The following S100Z variants were observed in gnomAD, a reference collection of about 807,000 sequenced individuals.
S100Z encodes S100 calcium binding protein Z, also known as protein S100-Z.
Under a neutral mutation model 8.5 loss-of-function variants are expected in S100Z, and 11 were observed. That is an observed-to-expected ratio of 1.30 (90% confidence interval 0.82 to 2.15). The LOEUF (loss-of-function observed/expected upper bound fraction) is 2.15, where lower values mean the gene tolerates loss of function less well. S100Z is among the 30% of genes most tolerant of loss of function. S100Z has a pLI of 0.00. For synonymous variants in S100Z, 34 were observed against 43.8 expected (o/e 0.78, Z 0.89); for missense variants, 126 against 117.9 (o/e 1.07, Z -0.32).
At chr5:76,877,466 G>A (rs966696724) in intron 3 of S100Z, among the ~76,000 whole-genome samples, 1 of 152,188 alleles carries the variant, frequency 6.6e-6, no homozygotes, top group Non-Finnish European at 1.5e-5. Flanking sequence ...CTAGGTCTGA[G>A]CCAGGATTAT....
At chr5:76,946,225 C>T in the S100Z span, among the ~76,000 whole-genome samples, 1 of 152,216 alleles carries the variant, frequency 6.6e-6, no homozygotes, top group African/African-American at 2.4e-5. Context: ...CCCATTATTA[C>T]TCTTCAAAAG....
rs878924999 is a variant in S100Z, at chr5:76,875,581, T to C, written c.141+81T>C. 4.2e-5 allele frequency: 53 copies of C among 1,276,608 alleles called. No homozygotes were observed. The South Asian group carries it at 7.7e-4, about 19-fold the overall frequency. 79.1% of individuals were successfully genotyped at this position (1,276,608 alleles called of 1,614,324 possible). ...TCCAGGACAGCCTTTGGGTTCATAC[T>C]GTCCTGTGATTCTGTCACAAATGCA... On this transcript the variant is annotated intron_variant, in intron 3 of 4. Transcript: ENST00000317593.
the S100Z span, among the ~76,000 whole-genome samples, chr5:76,930,797 G>A: frequency 6.6e-6 from 1 of 152,112 alleles, no homozygotes; most frequent in African/African-American, 2.4e-5. Context: ...GGTAAAGCGG[G>A]TATCCAAGGA....
intron 2 of S100Z, among the ~76,000 whole-genome samples, chr5:76,870,518 T>G (rs765493033): frequency 6.6e-5 from 10 of 152,298 alleles, no homozygotes; most frequent in Non-Finnish European, 1.3e-4. Flanking sequence ...AGAACCCCTC[T>G]GAAGGGCTGC....
chr5:76,913,842 C>T (rs1040359839), intron 4 of S100Z, among the ~76,000 whole-genome samples: 7 of 152,098 alleles, frequency 4.6e-5, no homozygotes, highest in East Asian at 3.9e-4. Context: ...AGATGCTGCC[C>T]GGCATTTACA....
chr5:76,913,678 C>G (rs1401602176), intron 4 of S100Z, among the ~76,000 whole-genome samples: 1 of 152,258 alleles, frequency 6.6e-6, no homozygotes, highest in Non-Finnish European at 1.5e-5. Context: ...ATAACAAAAT[C>G]TATCCTTACT....
intron 1 of S100Z, among the ~76,000 whole-genome samples, chr5:76,865,631 A>G (rs1751247655): frequency 6.6e-6 from 1 of 152,020 alleles, no homozygotes; most frequent in African/African-American, 2.4e-5. Context: ...AAATATAAAG[A>G]AAAAATTGTA....
chr5:76,919,582 T>TTTC lies in S100Z; in HGVS notation c.*3-1134_*3-1133insTCT, dbSNP rs1554040587. On this transcript the variant is annotated intron_variant, in intron 4 of 4. Coordinates refer to ENST00000317593, the MANE Select transcript of S100Z (RefSeq NM_130772.4). Reference sequence around the variant, plus strand: ...TTCCTTCCTTTCTCTCTCTCTCTCTTTCTCTCTCCCTCTCTTTCTTTTTCT... The same window carrying TTTC: ...TTCCTTCCTTTCTCTCTCTCTCTCTTTTCTCTCTCTCCCTCTCTTTCTTTTTCT... 1.3e-4 allele frequency among the ~76,000 whole-genome samples: 17 copies of TTTC among 128,262 alleles called. No homozygotes were observed. The East Asian group carries it at 3.6e-3, about 27-fold the overall frequency. The allele number at this position is 128,262 out of a possible 152,430, so 84.1% of individuals were successfully genotyped here.
intron 4 of S100Z, among the ~76,000 whole-genome samples, chr5:76,897,476 A>T (rs558655962): frequency 0.011 from 1,640 of 151,482 alleles, 39 homozygotes; most frequent in African/African-American, 0.036. Flanking sequence ...TAAAAATAAA[A>T]AAATAAATAA....
At chr5:76,878,543 G>A (rs1308937634) in intron 4 of S100Z, among the ~76,000 whole-genome samples, 1 of 152,222 alleles carries the variant, frequency 6.6e-6, no homozygotes, top group African/African-American at 2.4e-5. Context: ...CTCCAACCCT[G>A]AGTTTTCTGC....
At chr5:76,897,273 T>C (rs755674226) in intron 4 of S100Z, among the ~76,000 whole-genome samples, 3 of 151,722 alleles carry the variant, frequency 2.0e-5, no homozygotes, top group Non-Finnish European at 4.4e-5. Flanking sequence ...ACCCCATCTC[T>C]ACTAAAAAAA....
chr5:76,891,489 T>A (rs1232476592), intron 4 of S100Z, among the ~76,000 whole-genome samples: 2 of 152,204 alleles, frequency 1.3e-5, no homozygotes, highest in African/African-American at 4.8e-5. Flanking sequence ...GGACGGCAGC[T>A]GCTTCAACTT....
chr5:76,943,513 CA>C, the S100Z span, among the ~76,000 whole-genome samples: 1 of 152,302 alleles, frequency 6.6e-6, no homozygotes, highest in African/African-American at 2.4e-5. Context: ...CTGATAGCTC[CA>C]GGGCTGGATG....
intron 4 of S100Z, among the ~76,000 whole-genome samples, chr5:76,888,618 C>T (rs1196002916): frequency 2.6e-5 from 4 of 151,932 alleles, no homozygotes; most frequent in Non-Finnish European, 4.4e-5. Context: ...CCTTGTGATC[C>T]GCCCATCTCG....
chr5:76,912,467 GT>G (rs1744701274), intron 4 of S100Z, among the ~76,000 whole-genome samples: 1 of 152,202 alleles, frequency 6.6e-6, no homozygotes, highest in Admixed American at 6.5e-5. Flanking sequence ...AGTTAATGAT[GT>G]AACCGTACTT....
At chr5:76,858,535 A>G (rs79885959) in intron 1 of S100Z, among the ~76,000 whole-genome samples, 27,254 of 151,096 alleles carry the variant, frequency 0.18, 4,905 homozygotes, top group African/African-American at 0.47. Flanking sequence ...AAAAAAAAAA[A>G]GGGGGTGATG....
intron 1 of S100Z, among the ~76,000 whole-genome samples, chr5:76,861,103 G>A (rs1751042277): frequency 6.6e-6 from 1 of 152,186 alleles, no homozygotes; most frequent in South Asian, 2.1e-4. Flanking sequence ...GTTTGGTTAT[G>A]GCTCTGGCTT....
At chr5:76,933,346 C>T in the S100Z span, among the ~76,000 whole-genome samples, 1 of 152,186 alleles carries the variant, frequency 6.6e-6, no homozygotes, top group Non-Finnish European at 1.5e-5. Context: ...AGGGAAGAAT[C>T]CTGTGGAGTG....
At chr5:76,850,353 A>AGAGAGAGG (rs1561218252) in intron 1 of S100Z, among the ~76,000 whole-genome samples, 198 bp downstream of exon 1, 42 of 132,110 alleles carry the variant, frequency 3.2e-4, no homozygotes, top group African/African-American at 1.0e-3. Context: ...AGAGAGAGAG[A>AGAGAGAGG]GAGAGGGAGA....
Sources: gnomAD v4.1 joint callset for allele counts (sites outside exome capture counted in the v4.1 genomes callset) on GRCh38, gnomAD v4.1.1 for gene constraint, MANE v1.5 for transcripts, NCBI Gene and HGNC (gene_info 2026-07-23, HGNC 2026-07-21) for gene names.